ATL2: variants seen among roughly 807,000 people sequenced by gnomAD.
ATL2 encodes atlastin-2.
In ATL2, 31 loss-of-function variants were observed where a neutral mutation model predicts 73.9. That is an observed-to-expected ratio of 0.42 (90% CI 0.32 to 0.57). ATL2 has a LOEUF of 0.57. ATL2 is among the 20% of genes least tolerant of loss of function. The probability of loss-of-function intolerance (pLI) is 0.14; values close to 1 mark genes in which losing one functional copy is unlikely to be tolerated. For synonymous variants in ATL2, 291 were observed against 237.5 expected (o/e 1.23, Z -2.07); for missense variants, 738 against 702.6 (o/e 1.05, Z -0.57).
At chr2:38,322,284 T>C (rs1668370065) in intron 2 of ATL2, among the ~76,000 whole-genome samples, 1 of 152,236 alleles carries the variant, frequency 6.6e-6, no homozygotes, top group African/African-American at 2.4e-5. Flanking sequence ...GGTTTTACTC[T>C]ACATTTTACT....
chr2:38,298,362 C>G lies in ATL2; in HGVS notation c.1414G>C (p.Ala472Pro). Reference protein sequence around the residue: ...HNDGKNIFYAARTPATLFAVM... With the variant: ...HNDGKNIFYAPRTPATLFAVM... ...GCAAACAGTGTGGCTGGGGTACGAG[C>G]AGCATAGAAGATATTTTTGCCATCA... The change falls in exon 12 of 13, where the codon GCT becomes CCT. Residue 472 changes from alanine to proline, a missense_variant. Transcript: ENST00000378954. The G allele has an allele frequency of 6.2e-7, 1 of 1,614,174 alleles. No individual in the cohort carries two copies. The highest frequency in any genetic ancestry group is 8.5e-7 in the Non-Finnish European group (1 of 1,180,018).
rs371444918 is a variant in ATL2, at chr2:38,309,450, G to T, written c.1000C>A (p.Pro334Thr). 2 of 1,612,350 alleles carry T rather than the reference G, an allele frequency of 1.2e-6. No individual in the cohort carries two copies. Among genetic ancestry groups the T allele is most frequent in the Admixed American group, 3.3e-5 (2 of 59,938 alleles). ...LRNLVPLLLA[P>T]ENLVEKEISG... ...ATCTCTTTTTCTACCAAATTTTCAG[G>T]GGCAAGCAGCAATGGAACCAGATTT... The change falls in exon 9 of 13, where the codon CCT (proline) becomes ACT (threonine). Residue 334 changes from proline (P) to threonine (T), a missense_variant. Coordinates refer to ENST00000378954, the MANE Select transcript of ATL2 (RefSeq NM_001135673.4).
intron 1 of ATL2, among the ~76,000 whole-genome samples, chr2:38,359,769 T>C (rs922752734): frequency 5.9e-5 from 9 of 152,108 alleles, no homozygotes; most frequent in African/African-American, 2.2e-4. Flanking sequence ...TTCCCCAAAG[T>C]TTGTCATCAA....
intron 1 of ATL2, among the ~76,000 whole-genome samples, chr2:38,375,347 G>C (rs1053363053): frequency 6.6e-5 from 10 of 152,130 alleles, no homozygotes; most frequent in Non-Finnish European, 1.2e-4. Flanking sequence ...CAGGTACAGG[G>C]ACTGTTTTAG....
intron 1 of ATL2, among the ~76,000 whole-genome samples, chr2:38,344,152 C>T (rs56056037): frequency 0.12 from 17,509 of 152,058 alleles, 2,969 homozygotes; most frequent in African/African-American, 0.37. Context: ...GCACCTGTTT[C>T]TGAGCCCTGT....
intron 4 of ATL2, among the ~76,000 whole-genome samples, chr2:38,317,100 G>A (rs1668063527): frequency 6.6e-6 from 1 of 152,048 alleles, no homozygotes; most frequent in African/African-American, 2.4e-5. Flanking sequence ...TGAGGAAGGA[G>A]GAAAATGGGA....
intron 11 of ATL2, 145 bp downstream of exon 11, chr2:38,299,111 G>A (rs1386038511): frequency 3.0e-6 from 2 of 662,946 alleles, no homozygotes; most frequent in African/African-American, 3.8e-5. Flanking sequence ...TTTATTTCCA[G>A]CAAAGACCAT....
chr2:38,349,283 T>A (rs1327347498), intron 1 of ATL2, among the ~76,000 whole-genome samples: 1 of 151,990 alleles, frequency 6.6e-6, no homozygotes, highest in Non-Finnish European at 1.5e-5. Context: ...CAAACGTCCA[T>A]CAATGATAGA....
At chr2:38,365,902 G>A (rs896904645) in intron 1 of ATL2, among the ~76,000 whole-genome samples, 4 of 151,922 alleles carry the variant, frequency 2.6e-5, no homozygotes, top group South Asian at 2.1e-4. Context: ...AGCCAAGATC[G>A]CGCCATTGCA....
At chr2:38,337,984 ATTAAG>A (rs1410556984) in intron 2 of ATL2, among the ~76,000 whole-genome samples, 1 of 152,186 alleles carries the variant, frequency 6.6e-6, no homozygotes, top group Non-Finnish European at 1.5e-5. Flanking sequence ...ATTCTACTAA[ATTAAG>A]TTTTGACCAT....
intron 2 of ATL2, among the ~76,000 whole-genome samples, chr2:38,325,660 GTACACACACACACACACACACACA>G (rs1668573340): frequency 1.9e-4 from 1 of 5,218 alleles, no homozygotes; most frequent in Admixed American, 2.3e-3. Context: ...ACACACACCA[GTACACACACACACACACACACACA>G]CACACACACA....
intron 1 of ATL2, among the ~76,000 whole-genome samples, chr2:38,373,725 C>G (rs1671812012): frequency 6.6e-6 from 1 of 152,190 alleles, no homozygotes; most frequent in African/African-American, 2.4e-5. Flanking sequence ...GGAAAATCAT[C>G]TGTAAAAGTT....
chr2:38,339,544 A>G (rs1183463466), intron 2 of ATL2, among the ~76,000 whole-genome samples: 3 of 152,172 alleles, frequency 2.0e-5, no homozygotes, highest in Non-Finnish European at 4.4e-5. Context: ...TTAAAAAAAT[A>G]TGACCTCTAA....
chr2:38,307,525 G>A (rs1667517775), intron 9 of ATL2, among the ~76,000 whole-genome samples: 1 of 151,910 alleles, frequency 6.6e-6, no homozygotes, highest in African/African-American at 2.4e-5. Context: ...GAAAACATTG[G>A]GGAAACCTTC....
intron 1 of ATL2, among the ~76,000 whole-genome samples, chr2:38,345,862 T>C (rs116454477): frequency 0.01 from 1,593 of 152,222 alleles, 30 homozygotes; most frequent in African/African-American, 0.036. Context: ...GGAAAATGGG[T>C]GTGTGTCAAA....
At chr2:38,364,358 G>A (rs1671182850) in intron 1 of ATL2, among the ~76,000 whole-genome samples, 1 of 152,220 alleles carries the variant, frequency 6.6e-6, no homozygotes, top group Non-Finnish European at 1.5e-5. Context: ...GAGCAGAGGA[G>A]AGAGAGTCAA....
chr2:38,352,541 G>C (rs575555046), intron 1 of ATL2, among the ~76,000 whole-genome samples: 4 of 152,318 alleles, frequency 2.6e-5, no homozygotes, highest in Non-Finnish European at 4.4e-5. Flanking sequence ...AAGGATCTAT[G>C]CAGAGGTGGA....
At chr2:38,333,805 A>T (rs1014784012) in intron 2 of ATL2, among the ~76,000 whole-genome samples, 10 of 152,296 alleles carry the variant, frequency 6.6e-5, no homozygotes, top group African/African-American at 2.4e-4. Flanking sequence ...ATGCTGCAAT[A>T]AGGACTTCAA....
At chr2:38,358,141 G>A (rs553328954) in intron 1 of ATL2, among the ~76,000 whole-genome samples, 1 of 152,086 alleles carries the variant, frequency 6.6e-6, no homozygotes, top group Admixed American at 6.5e-5. Flanking sequence ...ACTAACAAGG[G>A]TCACTCTATT....
Sources: allele counts gnomAD v4.1 joint callset (sites outside exome capture counted in the v4.1 genomes callset), GRCh38; gene constraint gnomAD v4.1.1; transcripts MANE v1.5; gene names NCBI Gene and HGNC (gene_info 2026-07-23, HGNC 2026-07-21).